The following MARCHF1 variants were observed in gnomAD, a reference collection of about 807,000 sequenced individuals.
The protein encoded by MARCHF1 is membrane associated ring-CH-type finger 1.
In MARCHF1, 40 loss-of-function variants were observed where a neutral mutation model predicts 54.2. The ratio of observed to expected loss-of-function variants is 0.74; its 90% CI spans 0.57 to 0.96. MARCHF1 has a LOEUF of 0.96. MARCHF1 is among the 40% of genes least tolerant of loss of function. The pLI, the probability that MARCHF1 is intolerant of heterozygous loss-of-function variation, is 0.00. For missense variants in MARCHF1, 586 were observed against 656.5 expected, an observed-to-expected ratio of 0.89 and a Z score of 1.17; for synonymous variants, 236 against 236.3, an observed-to-expected ratio of 1.00 and a Z score of 0.01.
intron 5 of MARCHF1, among the ~76,000 whole-genome samples, chr4:163,618,916 G>T (rs1413687006): frequency 6.9e-6 from 1 of 145,594 alleles, no homozygotes; most frequent in Non-Finnish European, 1.5e-5. Flanking sequence ...AGTAGAACAG[G>T]GGTTTAATGT....
chr4:164,033,568 C>G (rs1753927850), intron 2 of MARCHF1, among the ~76,000 whole-genome samples: 1 of 152,090 alleles, frequency 6.6e-6, no homozygotes, highest in Admixed American at 6.6e-5. Context: ...GGAACTTAAA[C>G]AAATTTACAC....
At chr4:164,114,060 T>C (rs1579546391) in intron 1 of MARCHF1, among the ~76,000 whole-genome samples, 2 of 152,074 alleles carry the variant, frequency 1.3e-5, no homozygotes, top group Admixed American at 1.3e-4. Context: ...GTTGGTAAAC[T>C]AAAGATTTGT....
chr4:164,275,816 T>C (rs1164915631), intron 1 of MARCHF1, among the ~76,000 whole-genome samples: 2 of 152,214 alleles, frequency 1.3e-5, no homozygotes, highest in Non-Finnish European at 2.9e-5. Context: ...ACCAGAGGAC[T>C]CTATTTAAAG....
intron 8 of MARCHF1, among the ~76,000 whole-genome samples, chr4:163,570,821 T>C (rs1226019568): frequency 1.3e-5 from 2 of 152,170 alleles, no homozygotes; most frequent in East Asian, 3.9e-4. Flanking sequence ...CCCTTGAGAG[T>C]AGGCACATCT....
At chr4:163,969,149 G>C (rs796089855) in intron 3 of MARCHF1, among the ~76,000 whole-genome samples, 12 of 152,266 alleles carry the variant, frequency 7.9e-5, no homozygotes, top group African/African-American at 2.9e-4. Flanking sequence ...ATTTCTATGA[G>C]CAAAATGTAG....
intron 1 of MARCHF1, among the ~76,000 whole-genome samples, chr4:164,124,043 C>A (rs986235399): frequency 6.6e-6 from 1 of 151,886 alleles, no homozygotes; most frequent in Non-Finnish European, 1.5e-5. Context: ...GGAACTCAAT[C>A]AACTCTACAG....
chr4:163,599,779 A>T (rs1740898580), intron 7 of MARCHF1, among the ~76,000 whole-genome samples: 1 of 152,160 alleles, frequency 6.6e-6, no homozygotes, highest in African/African-American at 2.4e-5. Context: ...TTGCATGTTT[A>T]AAAACTTCCG....
intron 2 of MARCHF1, among the ~76,000 whole-genome samples, chr4:164,067,853 G>A (rs932225927): frequency 6.6e-6 from 1 of 152,026 alleles, no homozygotes; most frequent in African/African-American, 2.4e-5. Context: ...GAATCTATAA[G>A]GAACTTGAAC....
intron 4 of MARCHF1, among the ~76,000 whole-genome samples, chr4:163,848,101 TA>T (rs1490978733): frequency 1.3e-5 from 2 of 152,214 alleles, no homozygotes; most frequent in African/African-American, 2.4e-5. Context: ...ATGATGGACA[TA>T]AAGACTGCTT....
intron 1 of MARCHF1, among the ~76,000 whole-genome samples, chr4:164,332,288 C>A (rs759165970): frequency 4.1e-4 from 63 of 152,112 alleles, no homozygotes; most frequent in Non-Finnish European, 3.7e-4. Flanking sequence ...TTTTACCTGC[C>A]AGAGCCTGTT....
chr4:163,634,006 A>T (rs1049389389), intron 5 of MARCHF1, among the ~76,000 whole-genome samples: 1 of 152,168 alleles, frequency 6.6e-6, no homozygotes, highest in Non-Finnish European at 1.5e-5. Flanking sequence ...AAGCTTCATA[A>T]GTGAAGGAGT....
intron 1 of MARCHF1, among the ~76,000 whole-genome samples, chr4:164,376,730 G>A (rs1398485242): frequency 2.0e-5 from 3 of 152,126 alleles, no homozygotes. Flanking sequence ...TCAGAAGCAG[G>A]GGGAAAGATA....
intron 1 of MARCHF1, among the ~76,000 whole-genome samples, chr4:164,203,263 A>G (rs1235535411): frequency 6.6e-6 from 1 of 152,092 alleles, no homozygotes; most frequent in Non-Finnish European, 1.5e-5. Flanking sequence ...CATTCAGGTA[A>G]GAGAAAGAAG....
intron 1 of MARCHF1, among the ~76,000 whole-genome samples, chr4:164,290,300 G>C (rs1336209539): frequency 6.6e-6 from 1 of 151,864 alleles, no homozygotes; most frequent in Non-Finnish European, 1.5e-5. Context: ...AAAAATCAGA[G>C]AGACCTGTTA....
intron 4 of MARCHF1, among the ~76,000 whole-genome samples, chr4:163,712,525 C>T (rs1049214032): frequency 1.3e-5 from 2 of 152,128 alleles, no homozygotes; most frequent in South Asian, 2.1e-4. Context: ...TTTGTGAGGT[C>T]GTTACTTCAA....
intron 3 of MARCHF1, among the ~76,000 whole-genome samples, chr4:163,952,856 GGT>G (rs1475827158): frequency 6.6e-6 from 1 of 152,136 alleles, no homozygotes. Flanking sequence ...AGAAATGGCA[GGT>G]GAGAAGCTCT....
At chr4:163,680,529 T>A (rs1744069024) in intron 5 of MARCHF1, among the ~76,000 whole-genome samples, 1 of 152,218 alleles carries the variant, frequency 6.6e-6, no homozygotes, top group Non-Finnish European at 1.5e-5. Context: ...CAGCTCTTGT[T>A]GAAACATACT....
intron 1 of MARCHF1, among the ~76,000 whole-genome samples, chr4:164,320,928 G>A (rs1435026886): frequency 5.9e-5 from 9 of 152,116 alleles, no homozygotes; most frequent in African/African-American, 9.7e-5. Flanking sequence ...TCAGCAAAGC[G>A]TTGGCTAGAG....
intron 3 of MARCHF1, among the ~76,000 whole-genome samples, chr4:163,925,174 C>G (rs1033475274): frequency 1.1e-4 from 16 of 151,690 alleles, no homozygotes; most frequent in African/African-American, 3.9e-4. Context: ...TATTTATCTG[C>G]AAATATTTTT....
Sources: gnomAD v4.1 joint callset for allele counts (sites outside exome capture counted in the v4.1 genomes callset) on GRCh38, gnomAD v4.1.1 for gene constraint, MANE v1.5 for transcripts, NCBI Gene and HGNC (gene_info 2026-07-23, HGNC 2026-07-21) for gene names.